PLCB1: variants seen among roughly 807,000 people sequenced by gnomAD.
PLCB1 encodes 1-phosphatidylinositol 4,5-bisphosphate phosphodiesterase beta-1.
PLCB1 carries 46 observed loss-of-function variants against 161.8 expected under a neutral mutation model. The observed-to-expected ratio is 0.28, with a 90% CI of 0.22 to 0.36. The LOEUF (loss-of-function observed/expected upper bound fraction) is 0.36, where lower values mean the gene tolerates loss of function less well. PLCB1 is among the 10% of genes least tolerant of loss of function. The pLI is 1.00. For synonymous variants in PLCB1, 517 were observed against 503.7 expected (o/e 1.03, Z -0.35); for missense variants, 1,016 against 1,472.5 (o/e 0.69, Z 5.07).
chr20:8,601,918 T>C (rs897437233), intron 3 of PLCB1, among the ~76,000 whole-genome samples: 5 of 152,158 alleles, frequency 3.3e-5, no homozygotes, highest in African/African-American at 1.2e-4. Flanking sequence ...GCTGTTTTCT[T>C]CTACAGCTCT....
At chr20:8,774,184 G>A (rs1600315849) in intron 26 of PLCB1, among the ~76,000 whole-genome samples, 1 of 152,174 alleles carries the variant, frequency 6.6e-6, no homozygotes, top group Non-Finnish European at 1.5e-5. Flanking sequence ...CATTACACTT[G>A]TCACATTTTA....
At chr20:8,326,820 C>G (rs1183161309) in intron 2 of PLCB1, among the ~76,000 whole-genome samples, 1 of 152,182 alleles carries the variant, frequency 6.6e-6, no homozygotes, top group African/African-American at 2.4e-5. Context: ...GATGCTGATA[C>G]TTGCTAGAAT....
At chr20:8,299,259 G>T (rs1302292797) in intron 2 of PLCB1, among the ~76,000 whole-genome samples, 2 of 152,096 alleles carry the variant, frequency 1.3e-5, no homozygotes, top group African/African-American at 4.8e-5. Context: ...ACATATAAAG[G>T]TGTATAAGCC....
chr20:8,533,900 T>A (rs1984934123), intron 3 of PLCB1, among the ~76,000 whole-genome samples: 1 of 152,222 alleles, frequency 6.6e-6, no homozygotes, highest in Non-Finnish European at 1.5e-5. Context: ...TGTCTTTTGT[T>A]GACATTGCTT....
chr20:8,720,809 AT>A (rs1979584151), intron 14 of PLCB1, among the ~76,000 whole-genome samples: 1 of 151,382 alleles, frequency 6.6e-6, no homozygotes, highest in South Asian at 2.1e-4. Context: ...CTGCCAAACA[AT>A]TTTTTAATTA....
chr20:8,614,212 T>C (rs1411146353), intron 3 of PLCB1, among the ~76,000 whole-genome samples: 11 of 152,102 alleles, frequency 7.2e-5, no homozygotes, highest in Non-Finnish European at 1.5e-4. Context: ...AAATTGTCAA[T>C]AACCCATGTT....
At chr20:8,418,869 A>G (rs889442623) in intron 3 of PLCB1, among the ~76,000 whole-genome samples, 1 of 152,110 alleles carries the variant, frequency 6.6e-6, no homozygotes, top group Non-Finnish European at 1.5e-5. Context: ...CCTCTTCTCC[A>G]ATGCTTCTGA....
intron 20 of PLCB1, 125 bp downstream of exon 20, chr20:8,737,317 C>A: frequency 1.3e-6 from 1 of 791,446 alleles, no homozygotes; most frequent in Non-Finnish European, 2.0e-6. Context: ...AAAGCAATTA[C>A]CTTTTGAAAG....
rs577931679 is a variant in PLCB1, at chr20:8,366,028, C to G, written c.178-5354C>G. Among the ~76,000 whole-genome samples the G allele has an allele frequency of 2.0e-5, 3 of 152,230 alleles. No homozygotes were observed. In the East Asian group the frequency reaches 5.8e-4, roughly 29 times the overall value. On this transcript the variant is annotated intron_variant, in intron 2 of 31. Transcript: ENST00000338037. Reference sequence around the variant, plus strand: ...GCTTATGGCTGATGGATTGAAATCTCTCTGCTAAATAGTAAACAACCAAGA... The same window carrying G: ...GCTTATGGCTGATGGATTGAAATCTGTCTGCTAAATAGTAAACAACCAAGA...
chr20:8,429,932 G>T (rs1334628550), intron 3 of PLCB1, among the ~76,000 whole-genome samples: 1 of 151,988 alleles, frequency 6.6e-6, no homozygotes, highest in African/African-American at 2.4e-5. Context: ...CTGTTTCAGA[G>T]CCAGAATTCG....
chr20:8,350,245 C>T (rs1205998052), intron 2 of PLCB1, among the ~76,000 whole-genome samples: 1 of 152,124 alleles, frequency 6.6e-6, no homozygotes, highest in African/African-American at 2.4e-5. Context: ...CTCGCCTGAC[C>T]CCCACCCTGG....
At chr20:8,304,058 C>T (rs766584915) in intron 2 of PLCB1, among the ~76,000 whole-genome samples, 3 of 152,300 alleles carry the variant, frequency 2.0e-5, no homozygotes, top group Non-Finnish European at 4.4e-5. Context: ...TATGACAGCT[C>T]TCTGTCTGTA....
At chr20:8,868,084 T>C (rs1299154037) in intron 31 of PLCB1, among the ~76,000 whole-genome samples, 1 of 152,234 alleles carries the variant, frequency 6.6e-6, no homozygotes, top group East Asian at 1.9e-4. Context: ...TTTTTCCTTA[T>C]TCCAGTTTTC....
intron 7 of PLCB1, chr20:8,652,854 C>G (rs1989357718): frequency 1.3e-5 from 2 of 151,990 alleles, no homozygotes; most frequent in African/African-American, 2.4e-5. Flanking sequence ...AGTTGCTAGC[C>G]TGAAGTTACC....
chr20:8,434,737 C>G (rs1980223602), intron 3 of PLCB1, among the ~76,000 whole-genome samples: 1 of 152,162 alleles, frequency 6.6e-6, no homozygotes, highest in African/African-American at 2.4e-5. Flanking sequence ...ATAGAGGTCT[C>G]CTCTAGAGCT....
chr20:8,792,732 A>G, intron 31 of PLCB1: 1 of 436,146 alleles, frequency 2.3e-6, no homozygotes, highest in Admixed American at 2.9e-5. Context: ...TCATGGCTTA[A>G]AAACGTTGTG....
At chr20:8,528,800 C>A (rs1417090259) in intron 3 of PLCB1, among the ~76,000 whole-genome samples, 3 of 151,728 alleles carry the variant, frequency 2.0e-5, no homozygotes, top group African/African-American at 7.3e-5. Flanking sequence ...AATACGTATT[C>A]AATCATTAGA....
chr20:8,789,384 A>C, intron 29 of PLCB1, 134 bp from the exon 30 acceptor site: 4 of 676,898 alleles, frequency 5.9e-6, no homozygotes, highest in Middle Eastern at 4.1e-4. Flanking sequence ...GTCTCCAATA[A>C]ATAAATAGAT....
intron 2 of PLCB1, among the ~76,000 whole-genome samples, chr20:8,201,915 T>C (rs1239618207): frequency 6.6e-6 from 1 of 152,210 alleles, no homozygotes; most frequent in Non-Finnish European, 1.5e-5. Context: ...TATAGAGTTA[T>C]TGCCTGTGTT....
Sources: allele counts gnomAD v4.1 joint callset (sites outside exome capture counted in the v4.1 genomes callset), GRCh38; gene constraint gnomAD v4.1.1; transcripts MANE v1.5; gene names NCBI Gene and HGNC (gene_info 2026-07-23, HGNC 2026-07-21).